Variants in ELMO1 observed in about 807,000 individuals in gnomAD.
ELMO1 encodes engulfment and cell motility 1, also known as engulfment and cell motility protein 1.
Under a neutral mutation model 98.9 loss-of-function variants are expected in ELMO1, and 26 were observed. The observed-to-expected ratio is 0.26, with a 90% CI of 0.19 to 0.36. The LOEUF (loss-of-function observed/expected upper bound fraction) is 0.36, where lower values mean the gene tolerates loss of function less well. Among genes scored for constraint, ELMO1 ranks in the 10% least tolerant of loss-of-function variants. The pLI is 1.00. For missense variants in ELMO1, 627 were observed against 935.2 expected (o/e 0.67, Z 4.30); for synonymous variants, 346 against 346.0 (o/e 1.00, Z 0.00).
At chr7:37,141,147 AAT>A (rs1372152061) in intron 13 of ELMO1, among the ~76,000 whole-genome samples, 1 of 152,234 alleles carries the variant, frequency 6.6e-6, no homozygotes, top group Non-Finnish European at 1.5e-5. Flanking sequence ...CCCATCAATC[AAT>A]GAGTGGATAA....
At chr7:37,215,373 A>G (rs1793222648) in intron 11 of ELMO1, among the ~76,000 whole-genome samples, 1 of 152,102 alleles carries the variant, frequency 6.6e-6, no homozygotes, top group African/African-American at 2.4e-5. Context: ...TGTGTATTAG[A>G]CATTTGTTTC....
intron 16 of ELMO1, among the ~76,000 whole-genome samples, chr7:36,925,911 C>A (rs1351012202): frequency 1.3e-5 from 2 of 152,162 alleles, no homozygotes; most frequent in African/African-American, 4.8e-5. Flanking sequence ...CCCAGCACCA[C>A]CCCCTTGGCC....
intron 1 of ELMO1, among the ~76,000 whole-genome samples, chr7:37,448,303 GC>G (rs1174311875): frequency 9.8e-6 from 1 of 101,962 alleles, no homozygotes; most frequent in East Asian, 2.7e-4. Context: ...ACCCTCCCGC[GC>G]CCCCCCTCCC....
chr7:36,893,462 G>A (rs1387606963), intron 17 of ELMO1, among the ~76,000 whole-genome samples: 1 of 152,206 alleles, frequency 6.6e-6, no homozygotes, highest in Non-Finnish European at 1.5e-5. Flanking sequence ...TGAAGCCAAA[G>A]CGCCTTGGAA....
intron 14 of ELMO1, among the ~76,000 whole-genome samples, chr7:37,113,811 T>C (rs1338838493): frequency 3.3e-5 from 5 of 151,982 alleles, no homozygotes; most frequent in Middle Eastern, 6.3e-3. Context: ...GCCAACAGGG[T>C]GTGAGTGCAC....
chr7:37,349,080 A>G (rs1801141869), intron 1 of ELMO1, among the ~76,000 whole-genome samples: 1 of 152,202 alleles, frequency 6.6e-6, no homozygotes, highest in Non-Finnish European at 1.5e-5. Flanking sequence ...CTGCACTCAC[A>G]AGCCCAACAG....
chr7:37,179,202 G>T (rs1044121988), intron 13 of ELMO1, among the ~76,000 whole-genome samples: 3 of 151,484 alleles, frequency 2.0e-5, no homozygotes, highest in South Asian at 4.2e-4. Context: ...TTCTTAGAGG[G>T]AACAGACTGG....
chr7:37,167,747 C>T (rs1027933971), intron 13 of ELMO1, among the ~76,000 whole-genome samples: 8 of 152,074 alleles, frequency 5.3e-5, no homozygotes, highest in Non-Finnish European at 5.9e-5. Context: ...GGTAACCCGA[C>T]GTTTCTCTCT....
intron 15 of ELMO1, among the ~76,000 whole-genome samples, chr7:37,017,582 C>T (rs1348799586): frequency 6.6e-6 from 1 of 152,132 alleles, no homozygotes; most frequent in Non-Finnish European, 1.5e-5. Context: ...TTGTCTCTGC[C>T]TCCCCACTTC....
At chr7:36,927,168 A>G (rs1785647241) in intron 16 of ELMO1, among the ~76,000 whole-genome samples, 1 of 152,226 alleles carries the variant, frequency 6.6e-6, no homozygotes, top group Admixed American at 6.5e-5. Flanking sequence ...TTTTACAGAC[A>G]AGAAAACCGA....
intron 16 of ELMO1, among the ~76,000 whole-genome samples, chr7:36,996,068 T>C (rs184671585): frequency 3.0e-4 from 45 of 152,286 alleles, no homozygotes; most frequent in East Asian, 1.5e-3. Context: ...GAAAAATCAA[T>C]TGGCTTTTGT....
chr7:37,078,918 G>A (rs75768653), intron 15 of ELMO1, among the ~76,000 whole-genome samples: 1,806 of 151,820 alleles, frequency 0.012, 17 homozygotes, highest in Non-Finnish European at 0.016. Context: ...CCCAAAAAGC[G>A]TACAAAGGTA....
intron 1 of ELMO1, among the ~76,000 whole-genome samples, chr7:37,384,539 T>C (rs1802712563): frequency 6.6e-6 from 1 of 151,832 alleles, no homozygotes; most frequent in Non-Finnish European, 1.5e-5. Context: ...GCTAACAAGG[T>C]GAAACCCCGT....
intron 13 of ELMO1, among the ~76,000 whole-genome samples, chr7:37,209,996 A>G (rs1284561534): frequency 5.3e-5 from 8 of 152,256 alleles, no homozygotes; most frequent in Admixed American, 1.3e-4. Flanking sequence ...AAAACGTCAT[A>G]TTAAAACTAA....
chr7:37,320,557 G>A (rs1350501196), intron 2 of ELMO1, among the ~76,000 whole-genome samples: 4 of 152,084 alleles, frequency 2.6e-5, no homozygotes, highest in Non-Finnish European at 4.4e-5. Context: ...CCTCTAATCA[G>A]ATGCCCCCTT....
rs74439999 is a variant in ELMO1, at chr7:37,334,867, T to C, written c.78+7746A>G. Among the ~76,000 whole-genome samples the C allele has an allele frequency of 1.0e-3, 159 of 152,312 alleles. 6 individuals carry two copies. The East Asian group carries it at 0.028, about 27-fold the overall frequency. ...CTAAAACACATGCATCTGTGTTTCT[T>C]TTAGGGAATTAAACCCTTCCCAATA... On this transcript the variant is annotated intron_variant, in intron 2 of 21. Coordinates refer to ENST00000310758, the MANE Select transcript of ELMO1 (RefSeq NM_014800.11).
intron 13 of ELMO1, among the ~76,000 whole-genome samples, chr7:37,161,006 TG>T (rs1789167080): frequency 6.6e-6 from 1 of 152,100 alleles, no homozygotes; most frequent in African/African-American, 2.4e-5. Context: ...CCTACAACAC[TG>T]GAAAGTAATA....
At chr7:36,970,515 A>G (rs992320170) in intron 16 of ELMO1, among the ~76,000 whole-genome samples, 11 of 152,208 alleles carry the variant, frequency 7.2e-5, no homozygotes, top group Non-Finnish European at 5.9e-5. Context: ...GTTGCTTACA[A>G]TCTTATAAGC....
intron 16 of ELMO1, among the ~76,000 whole-genome samples, chr7:37,008,063 TAG>T (rs1426486278): frequency 2.0e-5 from 3 of 152,242 alleles, no homozygotes; most frequent in Non-Finnish European, 4.4e-5. Flanking sequence ...GCTTTTACTC[TAG>T]AGTGACTTCA....
Sources: gnomAD v4.1 joint callset for allele counts (sites outside exome capture counted in the v4.1 genomes callset) on GRCh38, gnomAD v4.1.1 for gene constraint, MANE v1.5 for transcripts, NCBI Gene and HGNC (gene_info 2026-07-23, HGNC 2026-07-21) for gene names.